RARB: variants seen among roughly 807,000 people sequenced by gnomAD.
RARB encodes HBV-activated protein.
In RARB, 17 loss-of-function variants were observed where a neutral mutation model predicts 51.9. The observed-to-expected ratio is 0.33, with a 90% CI of 0.22 to 0.49. The LOEUF (loss-of-function observed/expected upper bound fraction) is 0.49. Ranked by LOEUF, RARB falls within the 20% of genes least tolerant of loss-of-function variation. The probability of loss-of-function intolerance (pLI) is 0.99; values close to 1 mark genes in which losing one functional copy is unlikely to be tolerated. For synonymous variants in RARB, 215 were observed against 195.4 expected (o/e 1.10, Z -0.84); for missense variants, 369 against 550.8 (o/e 0.67, Z 3.30).
At chr3:25,273,632 C>T (rs1423718820) in intron 5 of RARB, among the ~76,000 whole-genome samples, 1 of 152,198 alleles carries the variant, frequency 6.6e-6, no homozygotes, top group African/African-American at 2.4e-5. Context: ...AGTCTGCTCA[C>T]TGGCAAAGAT....
chr3:25,025,784 T>A (rs62228505), intron 2 of RARB, among the ~76,000 whole-genome samples: 7,235 of 152,166 alleles, frequency 0.048, 252 homozygotes, highest in Non-Finnish European at 0.073. Context: ...AAGTAAACAC[T>A]TTGTGAAACA....
intron 2 of RARB, among the ~76,000 whole-genome samples, chr3:24,946,763 A>G (rs776633431): frequency 2.6e-5 from 4 of 152,218 alleles, no homozygotes; most frequent in Non-Finnish European, 4.4e-5. Context: ...CTCCCAAGAA[A>G]CTGAGGTGGG....
intron 3 of RARB, among the ~76,000 whole-genome samples, chr3:25,560,745 C>T (rs1034185954): frequency 6.6e-6 from 1 of 152,150 alleles, no homozygotes; most frequent in South Asian, 2.1e-4. Flanking sequence ...TTCCTTCCTC[C>T]ACTGCTGCCT....
Position 25,374,477 on chromosome 3 carries a change from G to T in RARB, c.179-86716G>T, listed in dbSNP as rs373267478. Among the ~76,000 whole-genome samples, 6 of 152,146 alleles carry T rather than the reference G, an allele frequency of 3.9e-5. No homozygotes were observed. In the South Asian group the frequency reaches 1.2e-3, roughly 32 times the overall value. On this transcript the variant is annotated intron_variant, in intron 5 of 11. Transcript: ENST00000383772. ...TATTATCATGCCTAGCTTGAAGGGTGAAGGGAACAGTTACCAAATCATGGA... is the reference window on the plus strand; with the variant it reads ...TATTATCATGCCTAGCTTGAAGGGTTAAGGGAACAGTTACCAAATCATGGA...
At chr3:25,088,378 G>A (rs563092572) in intron 3 of RARB, among the ~76,000 whole-genome samples, 1 of 152,106 alleles carries the variant, frequency 6.6e-6, no homozygotes, top group Non-Finnish European at 1.5e-5. Context: ...AATTTGCCGT[G>A]AACGCCCTTG....
intron 5 of RARB, among the ~76,000 whole-genome samples, chr3:25,244,565 G>T (rs1050364971): frequency 2.0e-5 from 3 of 151,924 alleles, no homozygotes; most frequent in Non-Finnish European, 2.9e-5. Flanking sequence ...TCATTTTGTT[G>T]TTTACCCAGT....
intron 2 of RARB, among the ~76,000 whole-genome samples, chr3:24,900,930 A>G (rs1703592504): frequency 6.6e-6 from 1 of 152,230 alleles, no homozygotes; most frequent in South Asian, 2.1e-4. Flanking sequence ...TGGGATGCAT[A>G]CATACAAGAT....
chr3:24,986,948 C>G (rs1288506341), intron 2 of RARB, among the ~76,000 whole-genome samples: 1 of 144,992 alleles, frequency 6.9e-6, no homozygotes, highest in Non-Finnish European at 1.5e-5. Context: ...ATCTCATAAC[C>G]CAAGAACATT....
intron 5 of RARB, among the ~76,000 whole-genome samples, chr3:25,587,916 C>G (rs1484822622): frequency 6.6e-6 from 1 of 152,194 alleles, no homozygotes; most frequent in African/African-American, 2.4e-5. Context: ...ATGCCTCCCT[C>G]TGAGGTTTAC....
At position 24,885,797 on chromosome 3, in the gene RARB, G is replaced by A. The variant is rs531996654; in HGVS notation, c.-380+27045G>A. On this transcript the variant is annotated intron_variant, in intron 2 of 11. Transcript: ENST00000383772. ...TTAATGCTCTTCTGCTGGACATTTG[G>A]GAAACCAGATGATGTTTCAAATAGG... Among the ~76,000 whole-genome samples, 12 of 152,190 alleles carry A rather than the reference G, an allele frequency of 7.9e-5. No individual in the cohort carries two copies. In the South Asian group the frequency reaches 2.5e-3, roughly 32 times the overall value.
At chr3:25,019,422 T>C (rs1295513417) in intron 2 of RARB, among the ~76,000 whole-genome samples, 1 of 152,142 alleles carries the variant, frequency 6.6e-6, no homozygotes, top group East Asian at 1.9e-4. Context: ...TGGGGTCCGG[T>C]TGGGATTGGC....
At chr3:25,497,856 GT>G (rs1300888267) in intron 2 of RARB, among the ~76,000 whole-genome samples, 1 of 152,222 alleles carries the variant, frequency 6.6e-6, no homozygotes, top group Non-Finnish European at 1.5e-5. Context: ...TTGTCCTGAA[GT>G]TTGGGGGTTC....
chr3:25,284,559 A>G (rs1440589536), intron 5 of RARB, among the ~76,000 whole-genome samples: 1 of 152,130 alleles, frequency 6.6e-6, no homozygotes, highest in East Asian at 1.9e-4. Context: ...GCAGTAGCTA[A>G]CTAATATAGT....
At chr3:25,432,165 T>G (rs1416654359) in intron 1 of RARB, among the ~76,000 whole-genome samples, 10 of 152,192 alleles carry the variant, frequency 6.6e-5, no homozygotes, top group African/African-American at 2.4e-4. Flanking sequence ...TGTGGGTTGT[T>G]CGAAAACAAG....
intron 1 of RARB, among the ~76,000 whole-genome samples, chr3:24,835,594 G>A (rs1054570890): frequency 6.6e-6 from 1 of 152,146 alleles, no homozygotes; most frequent in African/African-American, 2.4e-5. Context: ...GCCTTAACAA[G>A]GTTAAATGAC....
intron 3 of RARB, among the ~76,000 whole-genome samples, chr3:25,103,579 C>G (rs1021110175): frequency 6.6e-6 from 1 of 152,132 alleles, no homozygotes; most frequent in African/African-American, 2.4e-5. Context: ...TGCCCCCAGG[C>G]GACAACAGAA....
intron 2 of RARB, among the ~76,000 whole-genome samples, chr3:25,052,904 C>G (rs1171852899): frequency 1.3e-5 from 2 of 151,766 alleles, no homozygotes; most frequent in East Asian, 1.9e-4. Context: ...AAAAAAGATT[C>G]TAGATTGTGA....
At chr3:25,151,950 C>G (rs891678056) in intron 4 of RARB, among the ~76,000 whole-genome samples, 1 of 151,826 alleles carries the variant, frequency 6.6e-6, no homozygotes. Flanking sequence ...TGAAAGTATG[C>G]CTGGGCAACG....
intron 4 of RARB, among the ~76,000 whole-genome samples, chr3:25,148,127 G>A (rs887700174): frequency 1.3e-5 from 2 of 152,142 alleles, no homozygotes; most frequent in African/African-American, 2.4e-5. Flanking sequence ...TCCTAACTGG[G>A]TATGTAAGTT....
Sources: gnomAD v4.1 joint callset for allele counts (sites outside exome capture counted in the v4.1 genomes callset) on GRCh38, gnomAD v4.1.1 for gene constraint, MANE v1.5 for transcripts, NCBI Gene and HGNC (gene_info 2026-07-23, HGNC 2026-07-21) for gene names.